BLTP3A: variants seen among roughly 807,000 people sequenced by gnomAD.
BLTP3A encodes bridge-like lipid transfer protein family member 3A, also known as ICBP90 binding protein 1.
At chr6:34,849,587 G>A in the BLTP3A span, among the ~76,000 whole-genome samples, 5 of 151,980 alleles carry the variant, frequency 3.3e-5, no homozygotes, top group Admixed American at 6.6e-5. Context: ...TTCTATTCAA[G>A]ATATGAGTAG....
At chr6:34,850,742 G>T in the BLTP3A span, among the ~76,000 whole-genome samples, 1 of 152,054 alleles carries the variant, frequency 6.6e-6, no homozygotes, top group African/African-American at 2.4e-5. Context: ...TGTTGCCCAG[G>T]CTGGAGTACA....
chr6:34,843,946 T>C, the BLTP3A span, among the ~76,000 whole-genome samples: 1 of 152,126 alleles, frequency 6.6e-6, no homozygotes, highest in African/African-American at 2.4e-5. Context: ...TTTACTGGGG[T>C]AAGATGACAT....
At chr6:34,856,497 T>C in the BLTP3A span, 1 of 1,490,026 alleles carries the variant, frequency 6.7e-7, no homozygotes, top group Non-Finnish European at 9.1e-7. Flanking sequence ...AAGAACTAGC[T>C]AATTATCCCA....
the BLTP3A span, among the ~76,000 whole-genome samples, chr6:34,846,100 C>T: frequency 2.5e-5 from 3 of 118,842 alleles, no homozygotes; most frequent in South Asian, 3.4e-4. Context: ...CTCCCCTCCC[C>T]TCCCCTCCCC....
chr6:34,872,159 G>A, the BLTP3A span, among the ~76,000 whole-genome samples: 1 of 152,182 alleles, frequency 6.6e-6, no homozygotes, highest in African/African-American at 2.4e-5. Context: ...ACTATGAAGA[G>A]GGAATCAAGG....
At chr6:34,857,779 T>C in the BLTP3A span, 1 of 1,614,218 alleles carries the variant, frequency 6.2e-7, no homozygotes, top group South Asian at 1.1e-5. Context: ...CTATGGATCC[T>C]GTCAGTTTGC....
At chr6:34,821,600 C>T in the BLTP3A span, 10 of 1,506,538 alleles carry the variant, frequency 6.6e-6, no homozygotes, top group South Asian at 1.3e-5. Context: ...GCTGTAATAC[C>T]CAATTAGCAG....
the BLTP3A span, among the ~76,000 whole-genome samples, chr6:34,797,765 A>G: frequency 6.6e-6 from 1 of 152,234 alleles, no homozygotes; most frequent in African/African-American, 2.4e-5. Flanking sequence ...AGCACTTTAC[A>G]AATCTTAAGA....
the BLTP3A span, among the ~76,000 whole-genome samples, chr6:34,869,741 TCCCGGGTTCAAGTGATTCTC>T: frequency 7.4e-6 from 1 of 135,836 alleles, no homozygotes; most frequent in Admixed American, 8.5e-5. Context: ...AACCTCCGCC[TCCCGGGTTCAAGTGATTCTC>T]ATGCCTCAGC....
At chr6:34,876,666 T>C in the BLTP3A span, 1 of 152,236 alleles carries the variant, frequency 6.6e-6, no homozygotes, top group Non-Finnish European at 1.5e-5. Context: ...TGATTTATCA[T>C]AGTCATTACT....
the BLTP3A span, among the ~76,000 whole-genome samples, chr6:34,815,746 G>A: frequency 1.4e-4 from 22 of 152,022 alleles, no homozygotes; most frequent in Admixed American, 3.9e-4. Context: ...AGGTTCAAGC[G>A]ATTCTCATGC....
At chr6:34,796,538 A>G in the BLTP3A span, among the ~76,000 whole-genome samples, 1 of 152,258 alleles carries the variant, frequency 6.6e-6, no homozygotes. Flanking sequence ...ACACAAAGCA[A>G]TGATTTAAAA....
chr6:34,824,641 A>G, the BLTP3A span, among the ~76,000 whole-genome samples: 1 of 150,520 alleles, frequency 6.6e-6, no homozygotes, highest in East Asian at 1.9e-4. Context: ...TCTCTAAAAT[A>G]TATATATGTA....
At chr6:34,866,288 C>T in the BLTP3A span, among the ~76,000 whole-genome samples, 2 of 151,970 alleles carry the variant, frequency 1.3e-5, no homozygotes, top group African/African-American at 4.8e-5. Context: ...CCTGTAATCC[C>T]AGCTACTCAG....
chr6:34,823,310 C>G, the BLTP3A span: 1 of 1,614,106 alleles, frequency 6.2e-7, no homozygotes, highest in Non-Finnish European at 8.5e-7. Context: ...CTCGGCCCCC[C>G]AATGGACAGT....
At chr6:34,857,970 T>C in the BLTP3A span, 2 of 1,590,534 alleles carry the variant, frequency 1.3e-6, no homozygotes, top group Non-Finnish European at 1.7e-6. Context: ...GCTGCATTTT[T>C]CCAATGGATA....
the BLTP3A span, among the ~76,000 whole-genome samples, chr6:34,846,365 G>A: frequency 8.8e-4 from 133 of 151,708 alleles, 1 homozygote; most frequent in East Asian, 0.024. Context: ...GGCTGGTCTC[G>A]AATTCTTGAC....
the BLTP3A span, among the ~76,000 whole-genome samples, chr6:34,827,206 G>A: frequency 2.6e-5 from 4 of 152,160 alleles, no homozygotes; most frequent in Admixed American, 1.3e-4. Context: ...AGCTACTCGG[G>A]AGGCTGAGGC....
At chr6:34,794,223 T>C in the BLTP3A span, among the ~76,000 whole-genome samples, 3 of 118,176 alleles carry the variant, frequency 2.5e-5, no homozygotes, top group Non-Finnish European at 5.0e-5. Flanking sequence ...AAAGGATAAA[T>C]GCTTGAGAGG....
Sources: gnomAD v4.1 joint callset for allele counts (sites outside exome capture counted in the v4.1 genomes callset) on GRCh38, gnomAD v4.1.1 for gene constraint, MANE v1.5 for transcripts, NCBI Gene and HGNC (gene_info 2026-07-23, HGNC 2026-07-21) for gene names.